TBXAS1: variants seen among roughly 807,000 people sequenced by gnomAD.
The protein encoded by TBXAS1 is thromboxane A synthase 1.
Under a neutral mutation model 60.7 loss-of-function variants are expected in TBXAS1, and 48 were observed. That is an observed-to-expected ratio of 0.79 (90% CI 0.63 to 1.01). TBXAS1 has a LOEUF of 1.01. Among genes scored for constraint, TBXAS1 ranks in the 50% least tolerant of loss-of-function variants. The pLI is 0.00. For synonymous variants in TBXAS1, 287 were observed against 269.7 expected (o/e 1.06, Z -0.63); for missense variants, 685 against 686.3 (o/e 1.00, Z 0.02).
rs566778169 is a variant in TBXAS1 at position 139,852,367 on chromosome 7, G to A, written c.90-19868G>A. Among the ~76,000 whole-genome samples the A allele has an allele frequency of 1.6e-4, 25 of 152,348 alleles. No individual in the cohort carries two copies. The highest frequency in any genetic ancestry group is 3.1e-4 in the Non-Finnish European group (21 of 68,026). ...AAAAGTGGTCTGTTCGGAAGGTCAG[G>A]CAGGTTCTGTGGGTCTCCACCTGTG... On this transcript the variant is annotated intron_variant, in intron 1 of 12. Transcript: ENST00000448866. This position sits in a 1 kb window ranked among gnomAD's most constrained non-coding sequence, Gnocchi z 4.4.
At chr7:139,913,253 C>T (rs891490450) in intron 4 of TBXAS1, 1 of 652,996 alleles carries the variant, frequency 1.5e-6, no homozygotes, top group Non-Finnish European at 2.8e-6. Flanking sequence ...CGCTCAAAGT[C>T]CCCTGGAAGC....
rs988673574 is a variant in TBXAS1, at chr7:139,940,947, A to T, written c.450+4640A>T. ...AAGAAAAAATTAAATAAGAGGATACAGCAAACTGGCTTTTCCTTTAGAGAG... is the reference window on the plus strand; with the variant it reads ...AAGAAAAAATTAAATAAGAGGATACTGCAAACTGGCTTTTCCTTTAGAGAG... On this transcript the variant is annotated intron_variant, in intron 5 of 12. Transcript: ENST00000448866. 4.8e-4 allele frequency among the ~76,000 whole-genome samples: 73 copies of T among 151,492 alleles called. 1 individual carries two copies. The highest frequency in any genetic ancestry group is 4.7e-3 in the Admixed American group (72 of 15,162).
At chr7:139,854,709 C>G in intron 1 of TBXAS1, among the ~76,000 whole-genome samples, 1 of 152,028 alleles carries the variant, frequency 6.6e-6, no homozygotes, top group Non-Finnish European at 1.5e-5. Context: ...AAGGAAAGAC[C>G]CAAAGATAGC....
At chr7:139,967,394 G>C (rs1229584187) in intron 9 of TBXAS1, among the ~76,000 whole-genome samples, 4 of 152,212 alleles carry the variant, frequency 2.6e-5, no homozygotes, top group Non-Finnish European at 5.9e-5. Context: ...GGAGTAGGGA[G>C]GACCCTCTTC....
intron 4 of TBXAS1, among the ~76,000 whole-genome samples, chr7:139,929,363 C>CT (rs1240562263): frequency 2.0e-5 from 3 of 152,088 alleles, no homozygotes; most frequent in Admixed American, 1.3e-4. Context: ...ACAGGCTAAA[C>CT]TAATTCCGAT....
At chr7:139,919,308 C>T (rs1028539194) in intron 4 of TBXAS1, among the ~76,000 whole-genome samples, 6 of 152,118 alleles carry the variant, frequency 3.9e-5, no homozygotes, top group Non-Finnish European at 7.3e-5. Context: ...TCTTTGTGAC[C>T]GTGGTCCTCT....
At chr7:139,894,265 A>G (rs1198942929) in intron 3 of TBXAS1, among the ~76,000 whole-genome samples, 1 of 152,118 alleles carries the variant, frequency 6.6e-6, no homozygotes, top group Non-Finnish European at 1.5e-5. Flanking sequence ...CATGTTTTCC[A>G]TGGGTGTGGC....
chr7:139,954,908 T>C (rs1333240609), intron 6 of TBXAS1, among the ~76,000 whole-genome samples: 1 of 152,216 alleles, frequency 6.6e-6, no homozygotes, highest in Non-Finnish European at 1.5e-5. Flanking sequence ...TTGCTTTTTG[T>C]TCATTGCTAT....
intron 9 of TBXAS1, among the ~76,000 whole-genome samples, chr7:139,992,729 C>T (rs892601371): frequency 2.0e-5 from 3 of 152,338 alleles, no homozygotes; most frequent in Non-Finnish European, 1.5e-5. Flanking sequence ...GCACTCAGCT[C>T]GGTTCTTGGC....
intron 5 of TBXAS1, among the ~76,000 whole-genome samples, chr7:139,938,317 A>T (rs1164297126): frequency 6.6e-6 from 1 of 152,100 alleles, no homozygotes; most frequent in Non-Finnish European, 1.5e-5. Flanking sequence ...CCACACCTAG[A>T]AATTCTCATT....
chr7:140,009,844 G>A (rs1408673296), intron 10 of TBXAS1, among the ~76,000 whole-genome samples: 27 of 46,086 alleles, frequency 5.9e-4, no homozygotes, highest in Non-Finnish European at 1.0e-3. Flanking sequence ...TCCCATGCCC[G>A]CCCCACAGCC....
At chr7:139,794,183 C>T (rs1448639561) in intron 4 of TBXAS1, among the ~76,000 whole-genome samples, 2 of 151,936 alleles carry the variant, frequency 1.3e-5, no homozygotes, top group Non-Finnish European at 2.9e-5. Context: ...CTCGCTGCAA[C>T]CTCTGCCTCC....
rs767102429 is a variant in TBXAS1 at position 140,020,194 on chromosome 7, G to T, written c.*95G>T. The T allele has an allele frequency of 8.5e-7, 1 of 1,172,852 alleles. No individual in the cohort carries two copies. The highest frequency in any genetic ancestry group is 1.2e-5 in the South Asian group (1 of 81,234). The allele number at this position is 1,172,852 out of a possible 1,614,324, so 72.7% of individuals were successfully genotyped here. On this transcript the variant is annotated 3_prime_UTR_variant, in exon 13 of 13. Transcript: ENST00000448866. ...AATTTTGGAAAAATGTCACTGAAGT[G>T]ATTGAAAGAGTGCCTGGCATGCAAG...
chr7:139,826,100 G>A (rs767620077), upstream of TBXAS1, among the ~76,000 whole-genome samples: 18 of 152,042 alleles, frequency 1.2e-4, no homozygotes, highest in East Asian at 1.9e-4. Flanking sequence ...CCCTGAATCC[G>A]TGACCACGAT....
intron 1 of TBXAS1, among the ~76,000 whole-genome samples, chr7:139,836,164 T>A (rs56168252): frequency 2.8e-4 from 42 of 151,998 alleles, no homozygotes; most frequent in Middle Eastern, 3.4e-3. Context: ...AAAGAAATCA[T>A]AGATGACACA....
intron 3 of TBXAS1, among the ~76,000 whole-genome samples, chr7:139,910,262 G>A (rs548436334): frequency 2.0e-5 from 3 of 152,122 alleles, no homozygotes; most frequent in Non-Finnish European, 4.4e-5. Flanking sequence ...ATGTGTTTAC[G>A]CACTATCTCC....
chr7:139,894,851 G>A (rs148624164), intron 3 of TBXAS1, among the ~76,000 whole-genome samples: 50 of 152,258 alleles, frequency 3.3e-4, no homozygotes, highest in African/African-American at 1.1e-3. Flanking sequence ...TGTACAGCAT[G>A]GAGCTCATGG....
intron 9 of TBXAS1, among the ~76,000 whole-genome samples, chr7:139,965,888 A>ATT (rs570672163): frequency 1.1e-4 from 15 of 139,060 alleles, no homozygotes; most frequent in Admixed American, 4.3e-4. Context: ...TATTTTTTTA[A>ATT]TTTTTTTTTT....
At chr7:139,918,276 C>T (rs1303190237) in intron 4 of TBXAS1, among the ~76,000 whole-genome samples, 4 of 152,158 alleles carry the variant, frequency 2.6e-5, no homozygotes, top group African/African-American at 7.2e-5. Context: ...GTGTAAAATA[C>T]ATTAGACTAG....
Sources: allele counts gnomAD v4.1 joint callset (sites outside exome capture counted in the v4.1 genomes callset), GRCh38; gene constraint gnomAD v4.1.1; non-coding constraint Gnocchi (gnomAD v3.1); transcripts MANE v1.5; gene names NCBI Gene and HGNC (gene_info 2026-07-23, HGNC 2026-07-21).